Variants in PLCE1 observed in about 807,000 individuals in gnomAD.
PLCE1 encodes the protein phospholipase C epsilon 1, also known as 1-phosphatidylinositol 4,5-bisphosphate phosphodiesterase epsilon-1.
In PLCE1, 119 loss-of-function variants were observed where a neutral mutation model predicts 242.8. The observed-to-expected ratio is 0.49, with a 90% confidence interval of 0.42 to 0.57. The LOEUF (loss-of-function observed/expected upper bound fraction) is 0.57. PLCE1 is among the 20% of genes least tolerant of loss of function. The probability of loss-of-function intolerance (pLI) is 0.00; values close to 1 mark genes in which losing one functional copy is unlikely to be tolerated. For missense variants in PLCE1, 2,441 were observed against 2,788.8 expected (o/e 0.88, Z 2.81); for synonymous variants, 945 against 1,017.4 (o/e 0.93, Z 1.35).
In PLCE1 at chr10:94,020,816, GT is replaced by G. The variant is rs563669190; in HGVS notation, c.-364-9859del. Among the ~76,000 whole-genome samples the G allele has an allele frequency of 3.7e-3, 565 of 151,854 alleles. 1 individual carries two copies. Among genetic ancestry groups the G allele is most frequent in the African/African-American group, 0.013 (537 of 41,470 alleles). ...GTTTGCTTATTATTGAGCAGTAATA[GT>G]TTTTTTTATTGTTGTTTTGTTTCTG... On this transcript the variant is annotated intron_variant, in intron 1 of 32. Transcript: ENST00000371380.
chr10:94,083,965 A>C (rs115316348), intron 2 of PLCE1, among the ~76,000 whole-genome samples: 2,206 of 152,326 alleles, frequency 0.014, 46 homozygotes, highest in African/African-American at 0.05. Flanking sequence ...TCCTGGCTTA[A>C]TAATAGAACC....
intron 4 of PLCE1, among the ~76,000 whole-genome samples, chr10:94,226,298 A>C (rs2049935609): frequency 6.6e-6 from 1 of 152,230 alleles, no homozygotes; most frequent in South Asian, 2.1e-4. Context: ...GTGTAAACAC[A>C]TCAGGCATTT....
intron 2 of PLCE1, among the ~76,000 whole-genome samples, chr10:94,078,913 A>G (rs2044579653): frequency 6.6e-6 from 1 of 152,186 alleles, no homozygotes; most frequent in Admixed American, 6.5e-5. Flanking sequence ...GTCTTAGTTT[A>G]TCTGCAGGGA....
At chr10:94,231,444 A>G (rs893850065) in intron 5 of PLCE1, among the ~76,000 whole-genome samples, 8 of 152,170 alleles carry the variant, frequency 5.3e-5, no homozygotes, top group Non-Finnish European at 8.8e-5. Context: ...TTGCCTTTCA[A>G]AGCTTCCAAC....
intron 2 of PLCE1, among the ~76,000 whole-genome samples, chr10:94,033,617 T>C (rs577889958): frequency 6.6e-6 from 1 of 152,106 alleles, no homozygotes; most frequent in Non-Finnish European, 1.5e-5. Context: ...GTCCTCTGAA[T>C]TCTATCCACA....
At chr10:94,239,426 A>ACCTTCTGCTTCC in intron 7 of PLCE1, among the ~76,000 whole-genome samples, 1 of 152,244 alleles carries the variant, frequency 6.6e-6, no homozygotes, top group South Asian at 2.1e-4. Context: ...GCAAGGCTTC[A>ACCTTCTGCTTCC]CCTTCTGCTT....
chr10:94,304,950 G>A (rs1157279826), intron 25 of PLCE1, among the ~76,000 whole-genome samples: 1 of 152,166 alleles, frequency 6.6e-6, no homozygotes, highest in African/African-American at 2.4e-5. Flanking sequence ...TATAGCCCAT[G>A]GAAGTTGAGC....
chr10:94,060,598 A>G (rs909202587), intron 2 of PLCE1, among the ~76,000 whole-genome samples: 2 of 151,936 alleles, frequency 1.3e-5, no homozygotes, highest in African/African-American at 4.8e-5. Context: ...GAACTCCTAG[A>G]CTCTCTGATT....
intron 8 of PLCE1, 92 bp from the exon 9 acceptor site, chr10:94,252,224 C>T (rs2050904652): frequency 8.7e-7 from 1 of 1,152,790 alleles, no homozygotes; most frequent in Admixed American, 1.7e-5. Context: ...CTGTGCTCTT[C>T]CACCTCTTGG....
At chr10:94,326,389 T>C (rs2054015885) in intron 32 of PLCE1, among the ~76,000 whole-genome samples, 1 of 152,224 alleles carries the variant, frequency 6.6e-6, no homozygotes, top group Non-Finnish European at 1.5e-5. Flanking sequence ...GAGCAACTCC[T>C]AAAATAACTG....
At chr10:94,180,101 T>A (rs1472624532) in intron 4 of PLCE1, among the ~76,000 whole-genome samples, 1 of 76,556 alleles carries the variant, frequency 1.3e-5, no homozygotes, top group Non-Finnish European at 3.9e-5. Flanking sequence ...TTGAACCCAG[T>A]TGTTCTGGCT....
intron 1 of PLCE1, among the ~76,000 whole-genome samples, chr10:94,025,214 C>T (rs935850059): frequency 1.3e-5 from 2 of 152,076 alleles, no homozygotes; most frequent in Non-Finnish European, 2.9e-5. Context: ...GCTCTCTTTC[C>T]AGAAATTGCA....
chr10:94,103,041 C>A (rs759556789), intron 2 of PLCE1, among the ~76,000 whole-genome samples: 14 of 152,188 alleles, frequency 9.2e-5, no homozygotes, highest in Non-Finnish European at 1.5e-4. Flanking sequence ...TAAAAACTAA[C>A]TAATAAACTG....
Position 94,032,250 on chromosome 10 carries a change from C to A in PLCE1, c.1204C>A (p.Pro402Thr). 6.2e-7 allele frequency: 1 copy of A among 1,612,976 alleles called. No individual in the cohort carries two copies. Among genetic ancestry groups the A allele is most frequent in the South Asian group, 1.1e-5 (1 of 90,982 alleles). ...ACGTCTGTCAGAAGCCCAGTGGTAT[C>A]CTGTAAGCATTTGAGTTTCTTTTTA... ...SQRLSEAQWY[P>T]IYNAVRREET... The change falls in exon 2 of 33, where the codon CCT (proline) becomes ACT (threonine). Residue 402 changes from proline (P) to threonine (T), a missense_variant and splice_region_variant. By Grantham distance (38) the Pro-to-Thr change is conservative. Coordinates refer to ENST00000371380, the MANE Select transcript of PLCE1 (RefSeq NM_016341.4).
intron 28 of PLCE1, among the ~76,000 whole-genome samples, chr10:94,316,236 G>C (rs1463317882): frequency 6.6e-6 from 1 of 152,152 alleles, no homozygotes; most frequent in East Asian, 1.9e-4. Context: ...TGTGTTGCAA[G>C]ATTACAAAGG....
intron 22 of PLCE1, among the ~76,000 whole-genome samples, chr10:94,293,154 C>G (rs1379792489): frequency 6.6e-6 from 1 of 152,188 alleles, no homozygotes; most frequent in African/African-American, 2.4e-5. Flanking sequence ...ATAGCCATTC[C>G]TTCATCTCTC....
chr10:94,225,973 T>C (rs547249247), intron 4 of PLCE1, among the ~76,000 whole-genome samples: 13 of 152,352 alleles, frequency 8.5e-5, no homozygotes, highest in African/African-American at 3.1e-4. Context: ...TCAGCACTGA[T>C]GCTGAACCAA....
intron 2 of PLCE1, among the ~76,000 whole-genome samples, chr10:94,070,832 G>C (rs1030934886): frequency 6.6e-6 from 1 of 152,072 alleles, no homozygotes; most frequent in Non-Finnish European, 1.5e-5. Flanking sequence ...CCTACATACA[G>C]GCTCAATTCC....
At chr10:94,315,726 C>T (rs533765874) in intron 28 of PLCE1, among the ~76,000 whole-genome samples, 5 of 148,128 alleles carry the variant, frequency 3.4e-5, no homozygotes, top group Admixed American at 6.8e-5. Flanking sequence ...GCCGAGATCA[C>T]GCCACTGCAC....
Sources: allele counts gnomAD v4.1 joint callset (sites outside exome capture counted in the v4.1 genomes callset), GRCh38; gene constraint gnomAD v4.1.1; transcripts MANE v1.5; gene names NCBI Gene and HGNC (gene_info 2026-07-23, HGNC 2026-07-21).